Variants in ATE1 observed in about 807,000 individuals in gnomAD.
The protein encoded by ATE1 is arginyltransferase 1.
In ATE1, 36 loss-of-function variants were observed where a neutral mutation model predicts 70.5. The observed-to-expected ratio is 0.51, with a 90% CI of 0.39 to 0.67. The LOEUF is 0.67. ATE1 is among the 30% of genes least tolerant of loss of function. ATE1 has a pLI of 0.00. For missense variants in ATE1, 593 were observed against 629.5 expected, an observed-to-expected ratio of 0.94 and a Z score of 0.62; for synonymous variants, 232 against 219.3, an observed-to-expected ratio of 1.06 and a Z score of -0.51.
At chr10:121,899,262 T>C (rs1950891078) in intron 7 of ATE1, among the ~76,000 whole-genome samples, 1 of 152,188 alleles carries the variant, frequency 6.6e-6, no homozygotes. Flanking sequence ...TTGTTAATCA[T>C]GGTGATGATC....
intron 7 of ATE1, among the ~76,000 whole-genome samples, chr10:121,878,150 A>C (rs1324551348): frequency 6.6e-6 from 1 of 152,206 alleles, no homozygotes; most frequent in Non-Finnish European, 1.5e-5. Flanking sequence ...ATATGAAGCT[A>C]AAGGACAGGC....
chr10:121,821,947 G>A (rs1193811158), intron 10 of ATE1, among the ~76,000 whole-genome samples: 1 of 152,176 alleles, frequency 6.6e-6, no homozygotes, highest in Admixed American at 6.5e-5. Context: ...TGCTGCCAGT[G>A]GGATCGCAAA....
At chr10:121,746,817 A>G (rs1944391898) in intron 11 of ATE1, among the ~76,000 whole-genome samples, 1 of 152,190 alleles carries the variant, frequency 6.6e-6, no homozygotes, top group South Asian at 2.1e-4. Flanking sequence ...AGGGACATAA[A>G]TTAATCAGGA....
intron 1 of ATE1, among the ~76,000 whole-genome samples, chr10:121,925,180 G>A (rs1241552111): frequency 1.3e-5 from 2 of 152,126 alleles, no homozygotes; most frequent in South Asian, 2.1e-4. Context: ...CAGCACTTTT[G>A]GAGGCCAAGA....
chr10:121,917,992 T>C (rs1446526586), intron 3 of ATE1, among the ~76,000 whole-genome samples: 3 of 152,166 alleles, frequency 2.0e-5, no homozygotes, highest in African/African-American at 7.2e-5. Flanking sequence ...TGCTGTTATA[T>C]ACAAGGTAAA....
At chr10:121,848,245 T>A (rs1238810280) in intron 8 of ATE1, among the ~76,000 whole-genome samples, 1 of 152,064 alleles carries the variant, frequency 6.6e-6, no homozygotes, top group Admixed American at 6.6e-5. Flanking sequence ...ATAACTTCAA[T>A]GTAGTACATC....
At chr10:121,833,047 T>A (rs1162967271) in intron 10 of ATE1, among the ~76,000 whole-genome samples, 3 of 152,176 alleles carry the variant, frequency 2.0e-5, no homozygotes, top group Non-Finnish European at 4.4e-5. Context: ...GAAATGCAGA[T>A]AACAACCTGT....
At chr10:121,754,218 C>T (rs555008556) in intron 11 of ATE1, among the ~76,000 whole-genome samples, 12 of 152,234 alleles carry the variant, frequency 7.9e-5, no homozygotes, top group South Asian at 6.2e-4. Context: ...AATGAAACCC[C>T]GGTAGCAATG....
intron 11 of ATE1, among the ~76,000 whole-genome samples, chr10:121,784,566 T>C (rs1002342241): frequency 2.6e-5 from 4 of 152,064 alleles, no homozygotes; most frequent in African/African-American, 9.7e-5. Flanking sequence ...AAAAAAATAG[T>C]AATAATACAG....
At chr10:121,852,364 T>C (rs1219782758) in intron 8 of ATE1, among the ~76,000 whole-genome samples, 2 of 152,342 alleles carry the variant, frequency 1.3e-5, no homozygotes, top group African/African-American at 2.4e-5. Context: ...AAAGTCTGCA[T>C]TGTGTTAAAA....
intron 7 of ATE1, among the ~76,000 whole-genome samples, chr10:121,880,739 T>C (rs1950201253): frequency 1.3e-5 from 2 of 152,118 alleles, no homozygotes; most frequent in African/African-American, 4.8e-5. Context: ...TGCTTTTTAA[T>C]CATACAGGCA....
chr10:121,794,366 T>C lies in ATE1; in HGVS notation c.1258-4077A>G, dbSNP rs73362448. ...ACACTAATAAAAATGGAATAGCATA[T>C]CTTGATCTTTGTGACAGCAGAACAT... On this transcript the variant is annotated intron_variant, in intron 10 of 11. Coordinates refer to ENST00000224652, the MANE Select transcript of ATE1 (RefSeq NM_001001976.3). 8.8e-3 allele frequency among the ~76,000 whole-genome samples: 1,332 copies of C among 152,142 alleles called. 25 individuals are homozygous for C. Among genetic ancestry groups the C allele is most frequent in the East Asian group, 0.041 (211 of 5,176 alleles).
intron 7 of ATE1, among the ~76,000 whole-genome samples, chr10:121,890,335 C>T (rs1185154238): frequency 1.3e-5 from 2 of 152,054 alleles, no homozygotes; most frequent in African/African-American, 4.8e-5. Context: ...AATTATACCA[C>T]GTCTTGTAGA....
intron 8 of ATE1, among the ~76,000 whole-genome samples, chr10:121,858,773 C>T (rs969070405): frequency 1.7e-4 from 26 of 150,426 alleles, no homozygotes; most frequent in Non-Finnish European, 3.5e-4. Context: ...ATCTTTGCCA[C>T]TTTAAAATGT....
chr10:121,826,671 G>A (rs894170625), intron 10 of ATE1, among the ~76,000 whole-genome samples: 2 of 152,178 alleles, frequency 1.3e-5, no homozygotes, highest in Non-Finnish European at 2.9e-5. Context: ...TTACAAAGGT[G>A]TATCGTGTGA....
At chr10:121,832,647 G>A (rs1225773293) in intron 10 of ATE1, among the ~76,000 whole-genome samples, 4 of 152,178 alleles carry the variant, frequency 2.6e-5, no homozygotes, top group Non-Finnish European at 5.9e-5. Context: ...CGTAAGAAGT[G>A]TCTTTTACCT....
At chr10:121,787,756 A>G (rs1348870871) in intron 11 of ATE1, among the ~76,000 whole-genome samples, 2 of 152,236 alleles carry the variant, frequency 1.3e-5, no homozygotes, top group East Asian at 1.9e-4. Flanking sequence ...TGAGACTTTA[A>G]ATCTTTTTTG....
chr10:121,857,961 G>C (rs540432062), intron 8 of ATE1, among the ~76,000 whole-genome samples: 1 of 152,200 alleles, frequency 6.6e-6, no homozygotes, highest in Non-Finnish European at 1.5e-5. Context: ...TTTTGTAATT[G>C]GCTTATTGCA....
chr10:121,768,102 A>C (rs1211675592), intron 11 of ATE1, among the ~76,000 whole-genome samples: 1 of 152,238 alleles, frequency 6.6e-6, no homozygotes, highest in South Asian at 2.1e-4. Context: ...GTCACAAAAA[A>C]TACTGTATGA....
Sources: allele counts gnomAD v4.1 joint callset (sites outside exome capture counted in the v4.1 genomes callset), GRCh38; gene constraint gnomAD v4.1.1; transcripts MANE v1.5; gene names NCBI Gene and HGNC (gene_info 2026-07-23, HGNC 2026-07-21).